Variants in RCOR1 observed in about 807,000 individuals in gnomAD.
RCOR1 encodes the protein REST corepressor.
Under a neutral mutation model 64.0 loss-of-function variants are expected in RCOR1, and 12 were observed. The ratio of observed to expected loss-of-function variants is 0.19; its 90% CI spans 0.12 to 0.30. The LOEUF (loss-of-function observed/expected upper bound fraction) is 0.30, where lower values mean the gene tolerates loss of function less well. Among genes scored for constraint, RCOR1 ranks in the 10% least tolerant of loss-of-function variants. The probability of loss-of-function intolerance (pLI) is 1.00; values close to 1 mark genes in which losing one functional copy is unlikely to be tolerated. For missense variants in RCOR1, 502 were observed against 621.2 expected, an observed-to-expected ratio of 0.81 and a Z score of 2.04; for synonymous variants, 279 against 227.2, an observed-to-expected ratio of 1.23 and a Z score of -2.05.
intron 2 of RCOR1, chr14:102,643,378 A>T (rs901869466): frequency 4.5e-6 from 4 of 885,012 alleles, no homozygotes; most frequent in Non-Finnish European, 5.4e-6. Context: ...GAGATTTGGA[A>T]TGTTGAGTAA....
In RCOR1 at chr14:102,659,745, T is replaced by C. The variant is rs776326424; in HGVS notation, c.362-22150T>C. Among the ~76,000 whole-genome samples, 11 of 152,326 alleles carry C rather than the reference T, an allele frequency of 7.2e-5. No homozygotes were observed. The East Asian group carries it at 2.1e-3, about 29-fold the overall frequency. On this transcript the variant is annotated intron_variant, in intron 2 of 11. Transcript: ENST00000262241. ...ACAGTAACGGAGAGGTATCTGCTGC[T>C]GCCATTTATATAATAAATCTGAATT...
intron 2 of RCOR1, among the ~76,000 whole-genome samples, chr14:102,594,536 C>T (rs980387402): frequency 1.3e-5 from 2 of 152,132 alleles, no homozygotes; most frequent in Non-Finnish European, 2.9e-5. Context: ...AAATGACTTC[C>T]TAAATTGGCC....
At chr14:102,719,260 TTA>T (rs1313676626) in intron 8 of RCOR1, among the ~76,000 whole-genome samples, 50 of 150,996 alleles carry the variant, frequency 3.3e-4, no homozygotes, top group African/African-American at 9.7e-4. Context: ...TCTTCTTTTT[TTA>T]AAATTATACT....
chr14:102,688,575 A>G (rs1429024532), intron 3 of RCOR1, among the ~76,000 whole-genome samples: 1 of 152,208 alleles, frequency 6.6e-6, no homozygotes, highest in African/African-American at 2.4e-5. Context: ...CAGTGCTGTT[A>G]AAAGGCGGCA....
At chr14:102,655,333 A>G (rs1404366418) in intron 2 of RCOR1, 2 of 984,914 alleles carry the variant, frequency 2.0e-6, no homozygotes, top group Non-Finnish European at 2.4e-6. Context: ...GACCTGTTGT[A>G]CTTTACTTTA....
chr14:102,686,336 C>T (rs998540856), intron 3 of RCOR1, among the ~76,000 whole-genome samples: 1 of 152,100 alleles, frequency 6.6e-6, no homozygotes, highest in African/African-American at 2.4e-5. Context: ...TACAGAGTGC[C>T]CATTTATCTT....
intron 2 of RCOR1, chr14:102,662,147 T>A (rs1390216409): frequency 1.9e-5 from 7 of 373,810 alleles, no homozygotes; most frequent in Non-Finnish European, 3.6e-5. Flanking sequence ...TTTTCCCAAG[T>A]CATTAAATGT....
In RCOR1 at chr14:102,602,903, G is replaced by A. The variant is rs1423868122; in HGVS notation, c.361+9578G>A. On this transcript the variant is annotated intron_variant, in intron 2 of 11. Transcript: ENST00000262241. ...GAACTTTTTGTAGAGACGGGGTTTTGCCAAGTTGCCCAGACTGGTCTCCAA... is the reference window on the plus strand; with the variant it reads ...GAACTTTTTGTAGAGACGGGGTTTTACCAAGTTGCCCAGACTGGTCTCCAA... Among the ~76,000 whole-genome samples, 3 of 151,902 alleles carry A rather than the reference G, an allele frequency of 2.0e-5. No homozygotes were observed. The East Asian group carries it at 5.8e-4, about 29-fold the overall frequency.
Position 102,610,317 on chromosome 14 carries a change from A to G in RCOR1, c.361+16992A>G, listed in dbSNP as rs537002470. Among the ~76,000 whole-genome samples the G allele has an allele frequency of 9.7e-4, 147 of 152,262 alleles. 1 individual carries two copies. Among genetic ancestry groups the G allele is most frequent in the African/African-American group, 3.4e-3 (141 of 41,572 alleles). On this transcript the variant is annotated intron_variant, in intron 2 of 11. Coordinates refer to ENST00000262241, the MANE Select transcript of RCOR1 (RefSeq NM_015156.4). ...TAGTTATCTAGAGCTGTGCTGTCCA[A>G]TAGTGTAGCCACTAGCTACATATAA...
At chr14:102,632,140 G>A (rs1894125766) in intron 2 of RCOR1, among the ~76,000 whole-genome samples, 2 of 150,568 alleles carry the variant, frequency 1.3e-5, no homozygotes, top group African/African-American at 4.9e-5. Flanking sequence ...GGCACTGAAT[G>A]ATGACAGAAA....
chr14:102,642,693 G>T (rs894305890), intron 2 of RCOR1, among the ~76,000 whole-genome samples: 6 of 152,042 alleles, frequency 3.9e-5, no homozygotes, highest in Non-Finnish European at 8.8e-5. Context: ...AAAATAAGCC[G>T]GGTATGGTGG....
intron 8 of RCOR1, among the ~76,000 whole-genome samples, chr14:102,714,980 C>T (rs1415207302): frequency 6.6e-6 from 1 of 152,112 alleles, no homozygotes; most frequent in Non-Finnish European, 1.5e-5. Context: ...CATTTTCCCT[C>T]CTGGTCACTA....
chr14:102,611,959 A>G (rs780837062), intron 2 of RCOR1, among the ~76,000 whole-genome samples: 1 of 152,160 alleles, frequency 6.6e-6, no homozygotes, highest in African/African-American at 2.4e-5. Context: ...AGCTGGGGCT[A>G]TACCATGCCT....
chr14:102,702,339 A>G (rs1895770776), intron 4 of RCOR1, among the ~76,000 whole-genome samples: 1 of 152,064 alleles, frequency 6.6e-6, no homozygotes, highest in Admixed American at 6.6e-5. Context: ...GATCATTAGC[A>G]TGAAAATTTC....
intron 2 of RCOR1, chr14:102,657,878 A>G (rs1894758207): frequency 3.0e-6 from 3 of 984,844 alleles, no homozygotes; most frequent in Non-Finnish European, 3.6e-6. Context: ...ATTAAGGGCA[A>G]ACTTGGAACA....
intron 3 of RCOR1, among the ~76,000 whole-genome samples, chr14:102,688,909 G>A (rs1390457736): frequency 6.6e-6 from 1 of 152,130 alleles, no homozygotes; most frequent in Non-Finnish European, 1.5e-5. Flanking sequence ...CGCCTTTGGG[G>A]ACTCCATCCT....
intron 2 of RCOR1, among the ~76,000 whole-genome samples, chr14:102,680,044 A>G (rs958441060): frequency 6.6e-6 from 1 of 152,042 alleles, no homozygotes; most frequent in Non-Finnish European, 1.5e-5. Flanking sequence ...TCTATGATCT[A>G]TTTCTTCATC....
chr14:102,676,034 T>G (rs1425026750), intron 2 of RCOR1, among the ~76,000 whole-genome samples: 10 of 72,236 alleles, frequency 1.4e-4, no homozygotes, highest in South Asian at 3.8e-4. Flanking sequence ...TTTCACAGTT[T>G]TTTTTTTTTT....
chr14:102,605,138 A>G (rs1351877750), intron 2 of RCOR1, among the ~76,000 whole-genome samples: 1 of 150,780 alleles, frequency 6.6e-6, no homozygotes, highest in Non-Finnish European at 1.5e-5. Context: ...TCCATTGATT[A>G]GTTGTTTCCA....
Sources: gnomAD v4.1 joint callset for allele counts (sites outside exome capture counted in the v4.1 genomes callset) on GRCh38, gnomAD v4.1.1 for gene constraint, MANE v1.5 for transcripts, NCBI Gene and HGNC (gene_info 2026-07-23, HGNC 2026-07-21) for gene names.